The following DLC1 variants were observed in gnomAD, a reference collection of about 807,000 sequenced individuals.
DLC1 encodes the protein DLC1 Rho GTPase activating protein, also known as rho GTPase-activating protein 7.
DLC1 carries 54 observed loss-of-function variants against 140.3 expected under a neutral mutation model. That is an observed-to-expected ratio of 0.38 (90% confidence interval 0.31 to 0.48). The LOEUF is 0.48. Among genes scored for constraint, DLC1 ranks in the 20% least tolerant of loss-of-function variants. DLC1 has a pLI of 0.96. For synonymous variants in DLC1, 986 were observed against 728.1 expected (o/e 1.35, Z -5.70); for missense variants, 2,536 against 1,907.0 (o/e 1.33, Z -6.14).
intron 5 of DLC1, among the ~76,000 whole-genome samples, chr8:13,272,797 C>T (rs1830994737): frequency 3.9e-5 from 6 of 152,122 alleles, no homozygotes. Flanking sequence ...TGGCGTCAAC[C>T]CAGGAGGCAG....
intron 2 of DLC1, among the ~76,000 whole-genome samples, chr8:13,433,393 G>C (rs73208005): frequency 0.085 from 12,864 of 152,174 alleles, 734 homozygotes; most frequent in East Asian, 0.18. Flanking sequence ...CTTCTATTAA[G>C]GTAGTTACAG....
chr8:13,363,083 C>A (rs931891181), intron 4 of DLC1, among the ~76,000 whole-genome samples: 1 of 152,220 alleles, frequency 6.6e-6, no homozygotes, highest in Non-Finnish European at 1.5e-5. Flanking sequence ...ACAGAGCCTA[C>A]ACTTTGTGGG....
intron 1 of DLC1, among the ~76,000 whole-genome samples, chr8:13,511,878 G>T (rs1282003624): frequency 6.6e-6 from 1 of 152,020 alleles, no homozygotes; most frequent in Non-Finnish European, 1.5e-5. Flanking sequence ...ACAAACAAAA[G>T]ACAAATTTCA....
intron 2 of DLC1, among the ~76,000 whole-genome samples, chr8:13,480,267 A>G (rs1433055058): frequency 6.6e-6 from 1 of 152,212 alleles, no homozygotes; most frequent in Non-Finnish European, 1.5e-5. Context: ...GCTTAAAAAT[A>G]TATGCACGAC....
At chr8:13,114,747 T>A (rs1249375666) in intron 6 of DLC1, among the ~76,000 whole-genome samples, 1 of 152,118 alleles carries the variant, frequency 6.6e-6, no homozygotes, top group South Asian at 2.1e-4. Flanking sequence ...CCGAGTGACA[T>A]GAATAAATGC....
At chr8:13,172,039 G>T (rs187890948) in intron 5 of DLC1, among the ~76,000 whole-genome samples, 87 of 152,194 alleles carry the variant, frequency 5.7e-4, no homozygotes, top group African/African-American at 2.0e-3. Flanking sequence ...TTAAAAAGTC[G>T]ATCATTATAA....
At chr8:13,481,936 C>A (rs577917031) in intron 2 of DLC1, among the ~76,000 whole-genome samples, 2 of 152,066 alleles carry the variant, frequency 1.3e-5, no homozygotes, top group Non-Finnish European at 2.9e-5. Context: ...AGATAATATA[C>A]CTACAAGTCT....
At position 13,499,860 on chromosome 8, in the gene DLC1, C is replaced by G. The variant is rs1360421762; in HGVS notation, c.212G>C (p.Arg71Thr). 4 of 1,614,108 alleles carry G rather than the reference C, an allele frequency of 2.5e-6. No individual in the cohort carries two copies. In the South Asian group the frequency reaches 3.3e-5, roughly 13 times the overall value. Residue 71 changes from arginine (R) to threonine (T), a missense_variant, in exon 2 of 18, where the codon AGA becomes ACA. Coordinates refer to ENST00000276297, the MANE Select transcript of DLC1 (RefSeq NM_182643.3). Reference protein sequence around the residue: ...LPDCCHGSELRDFPGRPMGHL... With the variant: ...LPDCCHGSELTDFPGRPMGHL... ...ACCCATTGGCCTCCCAGGAAAATCT[C>G]TCAGCTCTGATCCATGACAGCAGTC...
intron 2 of DLC1, among the ~76,000 whole-genome samples, chr8:13,468,086 A>C (rs1800023739): frequency 6.6e-6 from 1 of 152,214 alleles, no homozygotes; most frequent in African/African-American, 2.4e-5. Flanking sequence ...ATTCACTTGT[A>C]AAATCATCTG....
intron 5 of DLC1, among the ~76,000 whole-genome samples, chr8:13,224,643 T>A (rs1563179224): frequency 6.6e-6 from 1 of 152,196 alleles, no homozygotes; most frequent in African/African-American, 2.4e-5. Context: ...TGCTTTGTTT[T>A]TCCTGTACTG....
intron 5 of DLC1, among the ~76,000 whole-genome samples, chr8:13,156,614 G>GT (rs1824278896): frequency 6.6e-6 from 1 of 152,184 alleles, no homozygotes; most frequent in Non-Finnish European, 1.5e-5. Flanking sequence ...AATCATACTG[G>GT]TTAGGGGGAG....
chr8:13,344,101 T>G (rs1356832381), intron 4 of DLC1, among the ~76,000 whole-genome samples: 1 of 152,226 alleles, frequency 6.6e-6, no homozygotes, highest in Non-Finnish European at 1.5e-5. Flanking sequence ...TTGCTCCTTT[T>G]TCTTTCATTC....
chr8:13,143,203 A>G (rs563406381), intron 5 of DLC1, among the ~76,000 whole-genome samples: 28 of 152,322 alleles, frequency 1.8e-4, no homozygotes, highest in African/African-American at 6.3e-4. Flanking sequence ...GAACAAACAA[A>G]AAACAAAAGC....
intron 1 of DLC1, among the ~76,000 whole-genome samples, chr8:13,545,358 G>C (rs983820306): frequency 4.0e-5 from 6 of 151,398 alleles, no homozygotes; most frequent in African/African-American, 1.5e-4. Flanking sequence ...AAGTAAAGAA[G>C]AGAACTTGGA....
chr8:13,385,423 G>T (rs753953709), intron 4 of DLC1, among the ~76,000 whole-genome samples: 12 of 152,060 alleles, frequency 7.9e-5, no homozygotes, highest in Non-Finnish European at 1.0e-4. Flanking sequence ...CTAGAGAAAC[G>T]CTAAAACCCA....
intron 1 of DLC1, among the ~76,000 whole-genome samples, chr8:13,560,479 C>G (rs1804203263): frequency 6.6e-6 from 1 of 152,134 alleles, no homozygotes; most frequent in African/African-American, 2.4e-5. Context: ...CAGGTAGGTT[C>G]CTCTATTTAA....
intron 1 of DLC1, among the ~76,000 whole-genome samples, chr8:13,556,793 C>G (rs1351821946): frequency 1.3e-5 from 2 of 152,192 alleles, no homozygotes; most frequent in Non-Finnish European, 2.9e-5. Context: ...TGGATGCTGT[C>G]AGAGACGCTG....
intron 1 of DLC1, among the ~76,000 whole-genome samples, chr8:13,595,520 T>A (rs1434805057): frequency 6.6e-6 from 1 of 152,092 alleles, no homozygotes; most frequent in East Asian, 1.9e-4. Flanking sequence ...ATTAATGAGA[T>A]AAATACCAGA....
chr8:13,586,838 G>T (rs560646294), intron 1 of DLC1, among the ~76,000 whole-genome samples: 18 of 152,022 alleles, frequency 1.2e-4, no homozygotes, highest in Non-Finnish European at 2.4e-4. Flanking sequence ...AGCAAGACTT[G>T]TTATAGTGGC....
Sources: allele counts gnomAD v4.1 joint callset (sites outside exome capture counted in the v4.1 genomes callset), GRCh38; gene constraint gnomAD v4.1.1; transcripts MANE v1.5; gene names NCBI Gene and HGNC (gene_info 2026-07-23, HGNC 2026-07-21).